The following VAT1L variants were observed in gnomAD, a reference collection of about 807,000 sequenced individuals.
The protein encoded by VAT1L is putative NADPH-dependent quinone oxidoreductase VAT1L.
In VAT1L, 34 loss-of-function variants were observed where a neutral mutation model predicts 44.1. That is an observed-to-expected ratio of 0.77 (90% confidence interval 0.59 to 1.03). The LOEUF (loss-of-function observed/expected upper bound fraction) is 1.03, where lower values mean the gene tolerates loss of function less well. Ranked by LOEUF, VAT1L falls within the 50% of genes least tolerant of loss-of-function variation. The pLI is 0.00. For missense variants in VAT1L, 615 were observed against 538.8 expected, an observed-to-expected ratio of 1.14 and a Z score of -1.40; for synonymous variants, 253 against 202.2, an observed-to-expected ratio of 1.25 and a Z score of -2.13.
chr16:77,951,746 A>T (rs182190481), intron 7 of VAT1L, among the ~76,000 whole-genome samples: 22 of 152,136 alleles, frequency 1.4e-4, no homozygotes, highest in Admixed American at 1.3e-3. Context: ...GGACACAGAA[A>T]GGACTTCGGG....
At chr16:77,873,735 A>T (rs1440135539) in intron 4 of VAT1L, among the ~76,000 whole-genome samples, 1 of 152,208 alleles carries the variant, frequency 6.6e-6, no homozygotes, top group Non-Finnish European at 1.5e-5. Flanking sequence ...TGGAGTGATT[A>T]GTTACAGGTC....
In VAT1L at chr16:77,839,284, C is replaced by G. The variant is rs188100238; in HGVS notation, c.579+13823C>G. On this transcript the variant is annotated intron_variant, in intron 3 of 8. Transcript: ENST00000302536. Reference sequence around the variant, plus strand: ...GGCGCGATGGCTCACGCCTGTAATCCTAGCACTTTGGGAGGCCGAGACGGG... The same window carrying G: ...GGCGCGATGGCTCACGCCTGTAATCGTAGCACTTTGGGAGGCCGAGACGGG... Among the ~76,000 whole-genome samples the G allele has an allele frequency of 5.3e-5, 8 of 152,004 alleles. No individual in the cohort carries two copies. The East Asian group carries it at 1.4e-3, about 26-fold the overall frequency.
chr16:77,873,345 G>T (rs1246745856), intron 4 of VAT1L, among the ~76,000 whole-genome samples: 1 of 152,142 alleles, frequency 6.6e-6, no homozygotes, highest in East Asian at 1.9e-4. Context: ...TTTTGTGAGG[G>T]TTAATTATGA....
chr16:77,802,810 C>A (rs985521289), intron 1 of VAT1L, among the ~76,000 whole-genome samples: 1 of 152,158 alleles, frequency 6.6e-6, no homozygotes, highest in Non-Finnish European at 1.5e-5. Flanking sequence ...CTTGCTCTTG[C>A]CATTTCTTGG....
In VAT1L at chr16:77,876,316, A is replaced by G. The variant is rs1041619386; in HGVS notation, c.723-54A>G. On this transcript the variant is annotated intron_variant, in intron 4 of 8. Transcript: ENST00000302536. ...ATGACACAGGAAAGGAAAGGGATTG[A>G]CAGTCTGGCTCCTGACAGGTCACAG... is the stretch of plus-strand genomic sequence containing the variant. The G allele has an allele frequency of 6.9e-6, 10 of 1,457,222 alleles. No homozygotes were observed. The African/African-American group carries it at 1.4e-4, about 20-fold the overall frequency. 90.3% of individuals were successfully genotyped at this position (1,457,222 alleles called of 1,614,324 possible). A position where few individuals can be genotyped will look rare whatever the true frequency, so the allele number is the denominator to read the frequency against.
chr16:77,856,157 T>C (rs1448481617), intron 3 of VAT1L, among the ~76,000 whole-genome samples: 2 of 152,144 alleles, frequency 1.3e-5, no homozygotes, highest in African/African-American at 2.4e-5. Context: ...GCAGTGGGGA[T>C]TGTATGTGCA....
At chr16:77,947,788 T>C (rs922421053) in intron 7 of VAT1L, among the ~76,000 whole-genome samples, 5 of 152,200 alleles carry the variant, frequency 3.3e-5, no homozygotes, top group Non-Finnish European at 5.9e-5. Context: ...GGAGTTTCGC[T>C]CTTGTTGTCC....
Position 77,841,578 on chromosome 16 carries a change from G to A in VAT1L, c.579+16117G>A, listed in dbSNP as rs117962229. ...CTCACAAATGTCAGACTTTGTCCACGGTACAGGAATGTCCTCTATGTCAAA... is the reference window on the plus strand; with the variant it reads ...CTCACAAATGTCAGACTTTGTCCACAGTACAGGAATGTCCTCTATGTCAAA... On this transcript the variant is annotated intron_variant, in intron 3 of 8. Transcript: ENST00000302536. 8.5e-3 allele frequency among the ~76,000 whole-genome samples: 1,288 copies of A among 152,246 alleles called. 7 individuals carry two copies. Among genetic ancestry groups the A allele is most frequent in the Middle Eastern group, 0.024 (7 of 294 alleles).
intron 7 of VAT1L, among the ~76,000 whole-genome samples, chr16:77,921,465 G>A (rs1246498429): frequency 1.3e-5 from 2 of 152,156 alleles, no homozygotes; most frequent in East Asian, 3.8e-4. Flanking sequence ...TTTCTCTTGA[G>A]AAATGTGTTT....
chr16:77,901,436 T>G (rs2017382416), intron 7 of VAT1L, among the ~76,000 whole-genome samples: 1 of 152,120 alleles, frequency 6.6e-6, no homozygotes, highest in South Asian at 2.1e-4. Context: ...AGTGCTGGGA[T>G]TACAGGCGTG....
At chr16:77,969,438 G>T (rs768983943) in intron 7 of VAT1L, among the ~76,000 whole-genome samples, 7 of 151,980 alleles carry the variant, frequency 4.6e-5, no homozygotes, top group Non-Finnish European at 1.0e-4. Flanking sequence ...GCAGGATTCA[G>T]TTCCTCACTG....
In VAT1L at chr16:77,879,762, C is replaced by T. The variant is rs1298419525; in HGVS notation, c.882+538C>T. Among the ~76,000 whole-genome samples, 1 of 152,206 alleles carries T rather than the reference C, an allele frequency of 6.6e-6. No homozygotes were observed. The highest frequency in any genetic ancestry group is 2.4e-5 in the African/African-American group (1 of 41,460). Reference sequence around the variant, plus strand: ...GTGTCAGAGAAACTCAAGAAAGCTACAGCTTTATTTCAGTCAAAATTGCTT... The same window carrying T: ...GTGTCAGAGAAACTCAAGAAAGCTATAGCTTTATTTCAGTCAAAATTGCTT... On this transcript the variant is annotated intron_variant, in intron 6 of 8. Transcript: ENST00000302536. This position sits in a 1 kb window ranked among gnomAD's most constrained non-coding sequence, Gnocchi z 4.1.
chr16:77,896,982 T>C (rs1247956225), intron 7 of VAT1L, among the ~76,000 whole-genome samples: 1 of 152,208 alleles, frequency 6.6e-6, no homozygotes, highest in East Asian at 1.9e-4. Flanking sequence ...AAGTTTCTAT[T>C]TGCCTTTGAG....
In VAT1L at chr16:77,856,736, C is replaced by T. The variant is rs367788973; in HGVS notation, c.580-6012C>T. 6.6e-5 allele frequency among the ~76,000 whole-genome samples: 10 copies of T among 152,258 alleles called. No homozygotes were observed. The East Asian group carries it at 1.9e-3, about 29-fold the overall frequency. On this transcript the variant is annotated intron_variant, in intron 3 of 8. Coordinates refer to ENST00000302536, the MANE Select transcript of VAT1L (RefSeq NM_020927.3). Reference sequence around the variant, plus strand: ...ACATCTGGTTGAAAATCTCTTCGCCCATATGAACCTGAGACAAAGCCATCC... The same window carrying T: ...ACATCTGGTTGAAAATCTCTTCGCCTATATGAACCTGAGACAAAGCCATCC...
intron 2 of VAT1L, among the ~76,000 whole-genome samples, chr16:77,820,865 T>C (rs1248463915): frequency 6.6e-6 from 1 of 152,230 alleles, no homozygotes; most frequent in Non-Finnish European, 1.5e-5. Context: ...CCATTTATTA[T>C]TATCAATAAC....
chr16:77,857,244 G>C (rs1040908454), intron 3 of VAT1L, among the ~76,000 whole-genome samples: 1 of 152,170 alleles, frequency 6.6e-6, no homozygotes, highest in Admixed American at 6.5e-5. Flanking sequence ...TAAACTGCAA[G>C]GTCCTTTTTA....
intron 1 of VAT1L, among the ~76,000 whole-genome samples, chr16:77,799,299 TC>T (rs1471282949): frequency 2.0e-5 from 3 of 147,466 alleles, no homozygotes; most frequent in Non-Finnish European, 4.5e-5. Context: ...TCTCTCTCCT[TC>T]CCTTCTTTTC....
intron 3 of VAT1L, among the ~76,000 whole-genome samples, chr16:77,830,688 T>G (rs536924407): frequency 8.5e-5 from 13 of 152,290 alleles, no homozygotes; most frequent in Non-Finnish European, 1.5e-4. Flanking sequence ...AAACCTCTTA[T>G]TCTTTTTTGT....
chr16:77,912,791 G>A (rs1016351385), intron 7 of VAT1L, among the ~76,000 whole-genome samples: 5 of 152,138 alleles, frequency 3.3e-5, no homozygotes, highest in African/African-American at 1.2e-4. Context: ...CACAGTTCTG[G>A]AGGCTCGCAA....
Sources: allele counts gnomAD v4.1 joint callset (sites outside exome capture counted in the v4.1 genomes callset), GRCh38; gene constraint gnomAD v4.1.1; non-coding constraint Gnocchi (gnomAD v3.1); transcripts MANE v1.5; gene names NCBI Gene and HGNC (gene_info 2026-07-23, HGNC 2026-07-21).